The following MAOB variants were observed in gnomAD, a reference collection of about 807,000 sequenced individuals.
The protein encoded by MAOB is monoamine oxidase B, also known as amine oxidase [flavin-containing] B.
In MAOB, 15 loss-of-function variants were observed where a neutral mutation model predicts 41.9. The ratio of observed to expected loss-of-function variants is 0.36; its 90% CI spans 0.24 to 0.55. The LOEUF (loss-of-function observed/expected upper bound fraction) is 0.55. Ranked by LOEUF, MAOB falls within the 20% of genes least tolerant of loss-of-function variation. The pLI is 0.86. For synonymous variants in MAOB, 167 were observed against 144.2 expected (o/e 1.16, Z -1.13); for missense variants, 345 against 398.7 (o/e 0.87, Z 1.15).
At chrX:43,839,848 C>A (rs1216596311) in intron 2 of MAOB, among the ~76,000 whole-genome samples, 2 of 112,132 alleles carry the variant, frequency 1.8e-5, no homozygotes, top group Non-Finnish European at 3.8e-5. Flanking sequence ...AAAAGGCACT[C>A]TTATATGCTG....
intron 3 of MAOB, among the ~76,000 whole-genome samples, chrX:43,832,604 C>T (rs895384276): frequency 1.8e-5 from 2 of 111,896 alleles, no homozygotes; most frequent in African/African-American, 6.5e-5. Context: ...TTCTTAATAA[C>T]ATTTTCTTTT....
At chrX:43,844,635 C>T (rs1040954671) in intron 1 of MAOB, 7 of 112,364 alleles carry the variant, frequency 6.2e-5, no homozygotes, top group Non-Finnish European at 9.4e-5. Flanking sequence ...CCAATCCAAT[C>T]GGCTGGGGCC....
chrX:43,874,069 C>A (rs1024456552), intron 1 of MAOB, among the ~76,000 whole-genome samples: 4 of 111,734 alleles, frequency 3.6e-5, no homozygotes, highest in Admixed American at 9.5e-5. Context: ...TGGGTCACAG[C>A]CCTTGGGAAG....
intron 1 of MAOB, among the ~76,000 whole-genome samples, chrX:43,871,194 C>T (rs2035404869): frequency 9.0e-6 from 1 of 111,432 alleles, no homozygotes; most frequent in Admixed American, 9.5e-5. Flanking sequence ...AGTCAGCTCC[C>T]TTCAGTCAAG....
In MAOB at chrX:43,769,413, A is replaced by C; in HGVS notation, c.1241T>G (p.Leu414Arg). 8.3e-7 allele frequency: 1 copy of C among 1,207,167 alleles called. No homozygotes were observed. The highest frequency in any genetic ancestry group is 1.1e-6 in the Non-Finnish European group (1 of 893,934). Reference protein sequence around the residue: ...PGILTQYGRVLRQPVDRIYFA... With the variant: ...PGILTQYGRVRRQPVDRIYFA... ...GTAAATCCTGTCCACTGGCTGGCGTAGAACCCTTGGAACAAAACCAAAGAG... is the reference window on the plus strand; with the variant it reads ...GTAAATCCTGTCCACTGGCTGGCGTCGAACCCTTGGAACAAAACCAAAGAG... Residue 414 changes from leucine (L) to arginine (R), a missense_variant, in exon 13 of 15, where the codon CTA becomes CGA. Physicochemically the swap from Leu to Arg is moderately radical, Grantham distance 102. Transcript: ENST00000378069.
rs774522248 is a variant in MAOB, at chrX:43,840,944, A to G, written c.142-1939T>C. On this transcript the variant is annotated intron_variant, in intron 2 of 14. Coordinates refer to ENST00000378069, the MANE Select transcript of MAOB (RefSeq NM_000898.5). Reference sequence around the variant, plus strand: ...AAGTGGTGCCTGGAACACCAGTGGGACAGAACCGTTCACTCCCCTGGAAAG... The same window carrying G: ...AAGTGGTGCCTGGAACACCAGTGGGGCAGAACCGTTCACTCCCCTGGAAAG... Among the ~76,000 whole-genome samples the G allele has an allele frequency of 3.7e-4, 38 of 102,138 alleles. 1 individual carries two copies. The East Asian group carries it at 0.012, about 32-fold the overall frequency. The allele number at this position is 102,138 out of a possible 115,157, so 88.7% of individuals were successfully genotyped here. A position where few individuals can be genotyped will look rare whatever the true frequency, so the allele number is the denominator to read the frequency against.
intron 1 of MAOB, 114 bp downstream of exon 1, chrX:43,882,140 C>A: frequency 1.2e-5 from 13 of 1,114,891 alleles, no homozygotes; most frequent in Non-Finnish European, 1.5e-5. Flanking sequence ...CGTGCGTGGA[C>A]AGTCTGGGGA....
chrX:43,775,349 T>C (rs949052366), intron 11 of MAOB, 77 bp from the exon 12 acceptor site: 4 of 1,139,223 alleles, frequency 3.5e-6, no homozygotes, highest in Non-Finnish European at 4.6e-6. Flanking sequence ...AACAGTTTAG[T>C]AGGCTTTGTA....
chrX:43,877,042 T>C (rs754197097), intron 1 of MAOB, among the ~76,000 whole-genome samples: 3 of 112,662 alleles, frequency 2.7e-5, no homozygotes, highest in Non-Finnish European at 5.6e-5. Flanking sequence ...CCAAGCACTC[T>C]ACATGTATTT....
Position 43,839,087 on chromosome X carries a change from C to A in MAOB, c.142-82G>T, listed in dbSNP as rs376514472. On this transcript the variant is annotated intron_variant, in intron 2 of 14. Coordinates refer to ENST00000378069, the MANE Select transcript of MAOB (RefSeq NM_000898.5). The stretch of plus-strand genomic sequence containing the variant: ...AAAGACAGTCCTGAAATAAGCAAAT[C>A]GACATTTCACAAGTTATAGATACAG... The A allele has an allele frequency of 1.6e-4, 115 of 730,193 alleles. No homozygotes were observed. The East Asian group carries it at 3.2e-3, about 21-fold the overall frequency. 60.2% of individuals were successfully genotyped at this position (730,193 alleles called of 1,213,427 possible). A position where few individuals can be genotyped will look rare whatever the true frequency, so the allele number is the denominator to read the frequency against.
rs1385731965 is a variant in MAOB at position 43,766,641 on chromosome X, CAA to C, written c.*823_*824del. ...CAATCAACTTTTATTTTTAATTACC[CAA>C]GTGTGTACTGTCCTTTGTATGAAGA... On this transcript the variant is annotated 3_prime_UTR_variant, in exon 15 of 15. Transcript: ENST00000378069. 1 of 111,642 alleles carries C rather than the reference CAA, an allele frequency of 9.0e-6. No individual in the cohort carries two copies. Among genetic ancestry groups the C allele is most frequent in the Non-Finnish European group, 1.9e-5 (1 of 53,147 alleles). The allele number at this position is 111,642 out of a possible 1,213,427, so 9.2% of individuals were successfully genotyped here.
At chrX:43,778,800 G>A in intron 10 of MAOB, 61 bp from the exon 11 acceptor site, 1 of 896,443 alleles carries the variant, frequency 1.1e-6, no homozygotes, top group Non-Finnish European at 1.6e-6. Context: ...AAAAAAAGTG[G>A]GAAAGAGGCA....
chrX:43,774,525 T>C (rs2034227839), intron 12 of MAOB, among the ~76,000 whole-genome samples: 1 of 112,234 alleles, frequency 8.9e-6, no homozygotes, highest in Non-Finnish European at 1.9e-5. Flanking sequence ...TTCATCATTT[T>C]GTGCTTTCCC....
intron 1 of MAOB, among the ~76,000 whole-genome samples, chrX:43,851,304 GATA>G (rs1469641413): frequency 9.0e-6 from 1 of 111,528 alleles, no homozygotes; most frequent in Admixed American, 9.5e-5. Flanking sequence ...AAGTATAGAA[GATA>G]ATTATATGAT....
intron 2 of MAOB, among the ~76,000 whole-genome samples, chrX:43,842,167 G>A (rs1238587576): frequency 6.2e-5 from 7 of 112,164 alleles, no homozygotes; most frequent in Admixed American, 2.8e-4. Context: ...TCTGATAAGA[G>A]GTTAATATCC....
At chrX:43,848,184 C>T (rs2035223304) in intron 1 of MAOB, among the ~76,000 whole-genome samples, 1 of 111,507 alleles carries the variant, frequency 9.0e-6, no homozygotes, top group African/African-American at 3.3e-5. Context: ...GAAGTGCCCT[C>T]TTTACAGTGT....
chrX:43,812,313 C>T (rs1449193205), intron 3 of MAOB, among the ~76,000 whole-genome samples: 1 of 112,387 alleles, frequency 8.9e-6, no homozygotes, highest in Non-Finnish European at 1.9e-5. Flanking sequence ...CATGGGAGTG[C>T]AGATACCTCT....
intron 1 of MAOB, among the ~76,000 whole-genome samples, chrX:43,862,314 G>C (rs1030488278): frequency 2.7e-5 from 3 of 111,377 alleles, no homozygotes; most frequent in Non-Finnish European, 5.7e-5. Context: ...TAAATTCTTA[G>C]TGCTATGTCT....
At chrX:43,812,410 G>A (rs1280293457) in intron 3 of MAOB, among the ~76,000 whole-genome samples, 10 of 111,770 alleles carry the variant, frequency 8.9e-5, no homozygotes, top group African/African-American at 3.2e-4. Flanking sequence ...AGTTTTTTGA[G>A]GAACTTCCAA....
Sources: gnomAD v4.1 joint callset for allele counts (sites outside exome capture counted in the v4.1 genomes callset) on GRCh38, gnomAD v4.1.1 for gene constraint, MANE v1.5 for transcripts, NCBI Gene and HGNC (gene_info 2026-07-23, HGNC 2026-07-21) for gene names.